The following GRIN2A variants were observed in gnomAD, a reference collection of about 807,000 sequenced individuals.
GRIN2A encodes the protein glutamate ionotropic receptor NMDA type subunit 2A, also known as glutamate receptor ionotropic, NMDA 2A.
Under a neutral mutation model 113.4 loss-of-function variants are expected in GRIN2A, and 22 were observed. The ratio of observed to expected loss-of-function variants is 0.19; its 90% CI spans 0.14 to 0.28. GRIN2A has a LOEUF of 0.28. Ranked by LOEUF, GRIN2A falls within the 10% of genes least tolerant of loss-of-function variation. The pLI, the probability that GRIN2A is intolerant of heterozygous loss-of-function variation, is 1.00. For missense variants in GRIN2A, 1,502 were observed against 1,887.0 expected, an observed-to-expected ratio of 0.80 and a Z score of 3.78; for synonymous variants, 827 against 738.4, an observed-to-expected ratio of 1.12 and a Z score of -1.94.
At chr16:9,920,455 C>T (rs1327235749) in intron 3 of GRIN2A, among the ~76,000 whole-genome samples, 1 of 152,176 alleles carries the variant, frequency 6.6e-6, no homozygotes, top group South Asian at 2.1e-4. Context: ...AAAATTTAAA[C>T]TCAAGTAAAT....
At position 10,020,661 on chromosome 16, in the gene GRIN2A, T is replaced by C. The variant is rs563645386; in HGVS notation, c.415-82110A>G. Reference sequence around the variant, plus strand: ...AAGGTTAATTGTTCTGATTCTCAGCTGCAAAATGAGGATAAATAATCATGG... The same window carrying C: ...AAGGTTAATTGTTCTGATTCTCAGCCGCAAAATGAGGATAAATAATCATGG... On this transcript the variant is annotated intron_variant, in intron 2 of 12. Coordinates refer to ENST00000330684, the MANE Select transcript of GRIN2A (RefSeq NM_001134407.3). Among the ~76,000 whole-genome samples the C allele has an allele frequency of 1.4e-3, 210 of 152,302 alleles. 1 individual carries two copies. Among genetic ancestry groups the C allele is most frequent in the Non-Finnish European group, 2.4e-3 (165 of 68,036 alleles).
intron 11 of GRIN2A, among the ~76,000 whole-genome samples, chr16:9,785,653 T>A (rs1398742147): frequency 6.6e-6 from 1 of 151,898 alleles, no homozygotes; most frequent in Non-Finnish European, 1.5e-5. Context: ...CACTTAAAAG[T>A]TATAAAATAT....
At chr16:9,819,821 A>AGT (rs1037572165) in intron 10 of GRIN2A, among the ~76,000 whole-genome samples, 2 of 144,268 alleles carry the variant, frequency 1.4e-5, no homozygotes, top group African/African-American at 2.6e-5. Flanking sequence ...AAATTAGCTG[A>AGT]GTGTGTTGAG....
chr16:10,152,507 C>T (rs554795577), intron 2 of GRIN2A, among the ~76,000 whole-genome samples: 1 of 152,308 alleles, frequency 6.6e-6, no homozygotes, highest in African/African-American at 2.4e-5. Flanking sequence ...GAGTCCAGTC[C>T]GTTTTCCCCC....
At chr16:10,119,031 G>A (rs1228620585) in intron 2 of GRIN2A, among the ~76,000 whole-genome samples, 1 of 152,200 alleles carries the variant, frequency 6.6e-6, no homozygotes, top group African/African-American at 2.4e-5. Flanking sequence ...CTAGGTCCCT[G>A]AATCACTGCA....
chr16:9,876,026 C>T (rs1305027767), intron 4 of GRIN2A, among the ~76,000 whole-genome samples: 1 of 152,138 alleles, frequency 6.6e-6, no homozygotes, highest in Non-Finnish European at 1.5e-5. Flanking sequence ...AGTCTTGGAA[C>T]GTGTCCTGGG....
intron 11 of GRIN2A, among the ~76,000 whole-genome samples, chr16:9,775,202 C>A (rs1397578009): frequency 6.6e-6 from 1 of 152,080 alleles, no homozygotes; most frequent in Non-Finnish European, 1.5e-5. Context: ...CACACGTCTA[C>A]ATATTTTTTT....
At chr16:9,910,073 C>T (rs1185936820) in intron 3 of GRIN2A, among the ~76,000 whole-genome samples, 1 of 152,114 alleles carries the variant, frequency 6.6e-6, no homozygotes, top group African/African-American at 2.4e-5. Flanking sequence ...ATAGTATGGA[C>T]AAAACCACAT....
At chr16:9,768,464 C>G (rs1901054936) in intron 12 of GRIN2A, among the ~76,000 whole-genome samples, 1 of 152,226 alleles carries the variant, frequency 6.6e-6, no homozygotes, top group Non-Finnish European at 1.5e-5. Context: ...AATATTGACT[C>G]TACATTCCCA....
intron 3 of GRIN2A, among the ~76,000 whole-genome samples, chr16:9,925,766 T>G (rs1372716923): frequency 6.6e-6 from 1 of 152,204 alleles, no homozygotes; most frequent in Non-Finnish European, 1.5e-5. Flanking sequence ...CATCTTGGTC[T>G]GAAGTAGCAG....
chr16:9,914,089 T>C (rs1285841819), intron 3 of GRIN2A, among the ~76,000 whole-genome samples: 1 of 150,546 alleles, frequency 6.6e-6, no homozygotes, highest in East Asian at 1.9e-4. Flanking sequence ...AGAAAATCAT[T>C]CTTGGTTAAA....
intron 4 of GRIN2A, among the ~76,000 whole-genome samples, chr16:9,872,545 T>A (rs2141429721): frequency 6.6e-6 from 1 of 152,318 alleles, no homozygotes. Context: ...GAGATGACAA[T>A]GCCTCAATGC....
intron 2 of GRIN2A, among the ~76,000 whole-genome samples, chr16:9,976,903 A>G (rs1012936221): frequency 1.3e-5 from 2 of 152,224 alleles, no homozygotes; most frequent in Non-Finnish European, 2.9e-5. Context: ...AGGCTGCCAC[A>G]TGAGTGGAAT....
At position 9,827,612 on chromosome 16, in the gene GRIN2A, G is replaced by C. The variant is rs116437264; in HGVS notation, c.2007+1811C>G. 8.3e-3 allele frequency among the ~76,000 whole-genome samples: 1,267 copies of C among 152,278 alleles called. 20 individuals are homozygous for C. The highest frequency in any genetic ancestry group is 0.029 in the African/African-American group (1,197 of 41,546). On this transcript the variant is annotated intron_variant, in intron 9 of 12. Coordinates refer to ENST00000330684, the MANE Select transcript of GRIN2A (RefSeq NM_001134407.3). ...GTTACAGGTGACCACAAAGATTGAG[G>C]GAACTTAAATTGCCAGGCATTTACC...
At chr16:9,988,284 C>CGTGTGT (rs4031160) in intron 2 of GRIN2A, among the ~76,000 whole-genome samples, 25,950 of 146,734 alleles carry the variant, frequency 0.18, 2,313 homozygotes, top group Middle Eastern at 0.23. Context: ...TGTGTGTGTG[C>CGTGTGT]GTGTGTGTGT....
In GRIN2A at chr16:9,764,516, G is replaced by T. The variant is rs753651908; in HGVS notation, c.3028C>A (p.Pro1010Thr). 24 of 1,614,062 alleles carry T rather than the reference G, an allele frequency of 1.5e-5. No individual in the cohort carries two copies. Among genetic ancestry groups the T allele is most frequent in the Admixed American group, 5.0e-5 (3 of 60,016 alleles). Residue 1010 changes from proline to threonine, a missense_variant, in exon 13 of 13, where the codon CCC (proline) becomes ACC (threonine). Pro to Thr is a conservative substitution (Grantham distance 38). Coordinates refer to ENST00000330684, the MANE Select transcript of GRIN2A (RefSeq NM_001134407.3). The stretch of plus-strand genomic sequence containing the variant: ...ACGGATTTCTTCCACAGCTGCCGGG[G>T]TCTAGAGTTCGCTTTGGATTCTGTG... ...VSTESKANSR[P>T]RQLWKKSVDS...
Position 9,759,333 on chromosome 16 carries a change from A to G in GRIN2A, c.*3816T>C, listed in dbSNP as rs1900483141. ...TTTTCATTAGCAATTCTATTTGCAA[A>G]TAATTCAGGGCATTTGTCATTTCCT... On this transcript the variant is annotated 3_prime_UTR_variant, in exon 13 of 13. Transcript: ENST00000330684. 1.8e-5 allele frequency: 4 copies of G among 223,408 alleles called. No homozygotes were observed. In the East Asian group the frequency reaches 2.6e-4, roughly 15 times the overall value. The allele number at this position is 223,408 out of a possible 1,614,324, so 13.8% of individuals were successfully genotyped here.
At chr16:9,828,834 TA>T (rs941238108) in intron 9 of GRIN2A, among the ~76,000 whole-genome samples, 3 of 152,002 alleles carry the variant, frequency 2.0e-5, no homozygotes, top group Non-Finnish European at 2.9e-5. Flanking sequence ...AGTGGGAAAT[TA>T]AAAAAACAGA....
At chr16:10,050,024 G>A (rs1444031650) in intron 2 of GRIN2A, among the ~76,000 whole-genome samples, 1 of 152,164 alleles carries the variant, frequency 6.6e-6, no homozygotes, top group Non-Finnish European at 1.5e-5. Context: ...AGATGTCTAT[G>A]TCCCGATACC....
Sources: allele counts gnomAD v4.1 joint callset (sites outside exome capture counted in the v4.1 genomes callset), GRCh38; gene constraint gnomAD v4.1.1; transcripts MANE v1.5; gene names NCBI Gene and HGNC (gene_info 2026-07-23, HGNC 2026-07-21).